The following PPP1R12B variants were observed in gnomAD, a reference collection of about 807,000 sequenced individuals.
The protein encoded by PPP1R12B is myosin phosphatase target subunit 2.
PPP1R12B carries 76 observed loss-of-function variants against 126.1 expected under a neutral mutation model. The observed-to-expected ratio is 0.60, with a 90% CI of 0.50 to 0.73. The LOEUF (loss-of-function observed/expected upper bound fraction) is 0.73. PPP1R12B is among the 30% of genes least tolerant of loss of function. The probability of loss-of-function intolerance (pLI) is 0.00; values close to 1 mark genes in which losing one functional copy is unlikely to be tolerated. For synonymous variants in PPP1R12B, 356 were observed against 434.7 expected (o/e 0.82, Z 2.25); for missense variants, 1,052 against 1,205.1 (o/e 0.87, Z 1.88).
intron 9 of PPP1R12B, 103 bp downstream of exon 9, chr1:202,434,871 C>G (rs1249689709): frequency 6.6e-7 from 1 of 1,510,432 alleles, no homozygotes; most frequent in Non-Finnish European, 8.8e-7. Flanking sequence ...AATAAAAATA[C>G]ATTTTTCCTG....
intron 13 of PPP1R12B, among the ~76,000 whole-genome samples, chr1:202,464,248 T>G (rs1208206555): frequency 2.6e-5 from 4 of 152,182 alleles, no homozygotes; most frequent in African/African-American, 9.7e-5. Context: ...TTAGGGTGCT[T>G]TTAATTGGGT....
chr1:202,354,441 T>C (rs1181641086), intron 1 of PPP1R12B, among the ~76,000 whole-genome samples: 3 of 152,152 alleles, frequency 2.0e-5, no homozygotes, highest in African/African-American at 7.2e-5. Context: ...TGTTGGTGCA[T>C]GTCTGTAGTT....
chr1:202,416,801 A>C lies in PPP1R12B; in HGVS notation c.306A>C (p.Glu102Asp), dbSNP rs2148618115. The C allele has an allele frequency of 1.2e-6, 2 of 1,613,748 alleles. No individual in the cohort carries two copies. Among genetic ancestry groups the C allele is most frequent in the Non-Finnish European group, 1.7e-6 (2 of 1,179,832 alleles). ...TTTCTTTTCAGGCATGTATTGATGA[A>C]AATTTGGACATGGTGAAGTTTCTGG... ...LTALHQACID[E>D]NLDMVKFLVE... The change falls in exon 2 of 24, where the codon GAA becomes GAC. Residue 102 changes from glutamate to aspartate, a missense_variant. Transcript: ENST00000608999.
intron 23 of PPP1R12B, chr1:202,575,920 C>G (rs1280650918): frequency 6.6e-6 from 1 of 152,234 alleles, no homozygotes; most frequent in African/African-American, 2.4e-5. Context: ...GCTCCACTAC[C>G]AGCAAAAACA....
chr1:202,402,987 A>G (rs1027567661), intron 1 of PPP1R12B, among the ~76,000 whole-genome samples: 1 of 152,252 alleles, frequency 6.6e-6, no homozygotes, highest in African/African-American at 2.4e-5. Context: ...ATACAACATT[A>G]ATAGTGGACG....
At chr1:202,445,237 T>G (rs1286961522) in intron 12 of PPP1R12B, 2 of 1,245,210 alleles carry the variant, frequency 1.6e-6, no homozygotes, top group East Asian at 3.2e-5. Context: ...AGGTAAGGCT[T>G]CTTGAAGCCA....
chr1:202,473,801 T>G (rs568608497), intron 13 of PPP1R12B: 1 of 434,736 alleles, frequency 2.3e-6, no homozygotes, highest in East Asian at 7.1e-5. Context: ...TCTGGCTTGC[T>G]GTATAGCAGT....
intron 13 of PPP1R12B, among the ~76,000 whole-genome samples, chr1:202,483,269 G>T (rs1201839774): frequency 1.5e-5 from 2 of 137,480 alleles, no homozygotes; most frequent in Admixed American, 7.7e-5. Context: ...TTATTTCTAT[G>T]AAGAACACCT....
chr1:202,438,187 A>G, intron 10 of PPP1R12B, 163 bp downstream of exon 10: 5 of 1,559,378 alleles, frequency 3.2e-6, no homozygotes, highest in Non-Finnish European at 3.5e-6. Context: ...TCAAGTAGCT[A>G]TTTGCTTGCT....
At chr1:202,494,728 A>G (rs1425879664) in intron 15 of PPP1R12B, among the ~76,000 whole-genome samples, 6 of 152,086 alleles carry the variant, frequency 3.9e-5, no homozygotes, top group African/African-American at 4.8e-5. Context: ...AAAAGAAAAG[A>G]AAAGAAAACA....
intron 8 of PPP1R12B, among the ~76,000 whole-genome samples, chr1:202,432,634 T>C (rs944670588): frequency 6.6e-6 from 1 of 152,202 alleles, no homozygotes; most frequent in Non-Finnish European, 1.5e-5. Flanking sequence ...ATGTTGAACA[T>C]GGTCAGACCA....
At chr1:202,438,248 T>G (rs755096490) in intron 10 of PPP1R12B, 6 of 1,581,736 alleles carry the variant, frequency 3.8e-6, no homozygotes, top group African/African-American at 1.3e-5. Flanking sequence ...AAATAGCTTT[T>G]CCTTTTGGTT....
intron 18 of PPP1R12B, among the ~76,000 whole-genome samples, chr1:202,510,583 C>A (rs904039015): frequency 3.9e-5 from 6 of 152,116 alleles, no homozygotes; most frequent in African/African-American, 1.4e-4. Flanking sequence ...TCCTTTCTGT[C>A]CTCCCGAAAT....
chr1:202,570,085 C>T (rs570071925), intron 23 of PPP1R12B, among the ~76,000 whole-genome samples: 5 of 152,192 alleles, frequency 3.3e-5, no homozygotes, highest in African/African-American at 9.7e-5. Context: ...AATCACTTAG[C>T]ACCTACTCAG....
intron 1 of PPP1R12B, among the ~76,000 whole-genome samples, chr1:202,402,884 TTAACTC>T (rs1253503185): frequency 6.6e-6 from 1 of 152,246 alleles, no homozygotes; most frequent in Non-Finnish European, 1.5e-5. Flanking sequence ...AAAGAGGTAT[TTAACTC>T]TAGTTTATAG....
At chr1:202,492,135 G>A (rs1299297254) in intron 14 of PPP1R12B, among the ~76,000 whole-genome samples, 1 of 152,064 alleles carries the variant, frequency 6.6e-6, no homozygotes, top group Non-Finnish European at 1.5e-5. Context: ...AAAACCCAGT[G>A]TTCGGTATTC....
intron 1 of PPP1R12B, among the ~76,000 whole-genome samples, chr1:202,375,290 A>G (rs544048380): frequency 6.6e-6 from 1 of 152,324 alleles, no homozygotes; most frequent in Middle Eastern, 3.4e-3. Context: ...TGAATATTTC[A>G]CACCTTTCTT....
chr1:202,529,058 A>G (rs752303091), intron 18 of PPP1R12B, among the ~76,000 whole-genome samples: 6 of 152,170 alleles, frequency 3.9e-5, no homozygotes, highest in Non-Finnish European at 7.4e-5. Flanking sequence ...AATAAGTTGA[A>G]GATAAAGGAA....
At position 202,383,253 on chromosome 1, in the gene PPP1R12B, T is replaced by C. The variant is rs1305583637; in HGVS notation, c.292-33534T>C. On this transcript the variant is annotated intron_variant, in intron 1 of 23. Coordinates refer to ENST00000608999, the MANE Select transcript of PPP1R12B (RefSeq NM_002481.4). ...AACTGTGCCCAGCTGACCAACTTCA[T>C]ATAAGGTTTATGAAAGTCAGCTTAA... 3.9e-5 allele frequency among the ~76,000 whole-genome samples: 6 copies of C among 152,218 alleles called. No homozygotes were observed. The East Asian group carries it at 1.2e-3, about 29-fold the overall frequency.
Sources: gnomAD v4.1 joint callset for allele counts (sites outside exome capture counted in the v4.1 genomes callset) on GRCh38, gnomAD v4.1.1 for gene constraint, MANE v1.5 for transcripts, NCBI Gene and HGNC (gene_info 2026-07-23, HGNC 2026-07-21) for gene names.